ARMH3: variants seen among roughly 807,000 people sequenced by gnomAD.
ARMH3 encodes armadillo like helical domain containing 3.
ARMH3 carries 60 observed loss-of-function variants against 99.1 expected under a neutral mutation model. The ratio of observed to expected loss-of-function variants is 0.61; its 90% CI spans 0.49 to 0.75. The LOEUF is 0.75. ARMH3 is among the 30% of genes least tolerant of loss of function. ARMH3 has a pLI of 0.00. For missense variants in ARMH3, 679 were observed against 843.1 expected (o/e 0.81, Z 2.41); for synonymous variants, 285 against 292.8 (o/e 0.97, Z 0.27).
chr10:101,972,832 T>C (rs958032109), intron 20 of ARMH3, among the ~76,000 whole-genome samples: 1 of 152,184 alleles, frequency 6.6e-6, no homozygotes, highest in Non-Finnish European at 1.5e-5. Flanking sequence ...CAATGGTCCA[T>C]GCCTAAGGAC....
At chr10:101,941,551 A>C (rs967096739) in intron 22 of ARMH3, among the ~76,000 whole-genome samples, 2 of 152,236 alleles carry the variant, frequency 1.3e-5, no homozygotes, top group African/African-American at 2.4e-5. Context: ...TGGGGGAAAG[A>C]AAGCTCATCT....
chr10:101,993,251 G>GGA lies in ARMH3; in HGVS notation c.1275+285_1275+286dup, dbSNP rs138381869. Among the ~76,000 whole-genome samples, 1,432 of 148,354 alleles carry GGA rather than the reference G, an allele frequency of 9.7e-3. 28 individuals carry two copies. The highest frequency in any genetic ancestry group is 0.029 in the African/African-American group (1,176 of 40,234). On this transcript the variant is annotated intron_variant, in intron 17 of 25. Coordinates refer to ENST00000370033, the MANE Select transcript of ARMH3 (RefSeq NM_024541.3). ...ACACCATTGCACTCCAGCCTGGGGG[G>GGA]GAGAGAGAGAGAGAGAGACTCTCCC...
chr10:102,023,803 G>A, intron 6 of ARMH3, 54 bp from the exon 7 acceptor site: 1 of 1,485,526 alleles, frequency 6.7e-7, no homozygotes, highest in Admixed American at 1.7e-5. Context: ...CTGATATCTT[G>A]TGTAATCTCC....
intron 24 of ARMH3, among the ~76,000 whole-genome samples, chr10:101,853,180 A>G (rs905295828): frequency 4.0e-5 from 6 of 151,532 alleles, no homozygotes; most frequent in Non-Finnish European, 8.8e-5. Flanking sequence ...CGTGAGTCAC[A>G]GCGCCCGGCC....
At chr10:101,974,388 A>G (rs2135918520) in intron 20 of ARMH3, among the ~76,000 whole-genome samples, 1 of 152,272 alleles carries the variant, frequency 6.6e-6, no homozygotes, top group South Asian at 2.1e-4. Context: ...CAGCTCTCCC[A>G]TGGGTGGGCA....
At chr10:101,882,680 A>C (rs1261344362) in intron 24 of ARMH3, among the ~76,000 whole-genome samples, 2 of 152,156 alleles carry the variant, frequency 1.3e-5, no homozygotes, top group Admixed American at 6.5e-5. Flanking sequence ...TTGTATTTTT[A>C]GTAGAGACAG....
At chr10:101,940,687 T>C (rs1221646773) in intron 22 of ARMH3, among the ~76,000 whole-genome samples, 1 of 151,994 alleles carries the variant, frequency 6.6e-6, no homozygotes, top group Non-Finnish European at 1.5e-5. Context: ...CACCTATGAG[T>C]GAGAACAGAT....
chr10:102,036,457 A>G (rs1013016719), intron 2 of ARMH3, among the ~76,000 whole-genome samples: 3 of 152,202 alleles, frequency 2.0e-5, no homozygotes, highest in Non-Finnish European at 4.4e-5. Flanking sequence ...GGGAAAAGCT[A>G]GAGAAATCAG....
chr10:101,936,869 C>T (rs1414704692), intron 23 of ARMH3, among the ~76,000 whole-genome samples: 4 of 152,120 alleles, frequency 2.6e-5, no homozygotes, highest in Admixed American at 2.6e-4. Flanking sequence ...AGGAATGAAC[C>T]TTGAAGACAC....
chr10:102,054,983 C>T (rs1430410510), intron 1 of ARMH3, among the ~76,000 whole-genome samples: 1 of 146,852 alleles, frequency 6.8e-6, no homozygotes, highest in Non-Finnish European at 1.5e-5. Context: ...GCAACGAGAG[C>T]GAAACTCCGT....
intron 24 of ARMH3, among the ~76,000 whole-genome samples, chr10:101,875,497 A>G (rs1179725568): frequency 2.0e-5 from 3 of 152,190 alleles, no homozygotes; most frequent in African/African-American, 4.8e-5. Flanking sequence ...CACCCTGTAT[A>G]TAATAGGCAG....
chr10:101,967,117 G>A (rs1485033205), intron 20 of ARMH3, among the ~76,000 whole-genome samples: 1 of 152,186 alleles, frequency 6.6e-6, no homozygotes, highest in African/African-American at 2.4e-5. Flanking sequence ...CTGGCATGGA[G>A]CTAGGTTTAG....
At chr10:102,010,893 C>G (rs761008451) in intron 11 of ARMH3, among the ~76,000 whole-genome samples, 5 of 152,168 alleles carry the variant, frequency 3.3e-5, no homozygotes, top group African/African-American at 4.8e-5. Flanking sequence ...TTCCTGAGAA[C>G]AGGCTGAGAA....
chr10:102,012,980 C>G, intron 9 of ARMH3, 104 bp from the exon 10 acceptor site: 1 of 983,028 alleles, frequency 1.0e-6, no homozygotes, highest in Non-Finnish European at 1.5e-6. Context: ...CCCAAGAAGT[C>G]CTGCCTGAAA....
In ARMH3 at chr10:102,013,974, T is replaced by A. The variant is rs1233578959; in HGVS notation, c.720A>T (p.Thr240=). The change falls in exon 9 of 26, where the codon ACA becomes ACT. Residue 240 remains threonine (T), a synonymous_variant. Coordinates refer to ENST00000370033, the MANE Select transcript of ARMH3 (RefSeq NM_024541.3). ...CAAGGATCCAGATACTCACATTGAG[T>A]GTGGCCTCATCATCCACGATAGACA... ...VKLSIVDDEA[T]LNGMGLVIAQ... The A allele has an allele frequency of 6.2e-7, 1 of 1,607,506 alleles. No individual in the cohort carries two copies. The highest frequency in any genetic ancestry group is 1.3e-5 in the African/African-American group (1 of 74,728).
intron 1 of ARMH3, among the ~76,000 whole-genome samples, chr10:102,040,363 G>A (rs557299229): frequency 6.6e-6 from 1 of 152,330 alleles, no homozygotes. Flanking sequence ...TGTGAAGGAA[G>A]CAGACGTATG....
intron 18 of ARMH3, 116 bp downstream of exon 18, chr10:101,991,853 C>A (rs2136009790): frequency 1.8e-6 from 2 of 1,084,634 alleles, no homozygotes; most frequent in East Asian, 4.8e-5. Context: ...AGGGAAAAAA[C>A]ACAACTAATA....
intron 25 of ARMH3, among the ~76,000 whole-genome samples, chr10:101,848,267 T>G (rs1259341745): frequency 6.6e-6 from 1 of 151,974 alleles, no homozygotes; most frequent in African/African-American, 2.4e-5. Context: ...GAGAGGAAAG[T>G]CTGGGGCGTA....
intron 23 of ARMH3, among the ~76,000 whole-genome samples, chr10:101,932,307 G>A (rs1439997647): frequency 6.6e-6 from 1 of 152,202 alleles, no homozygotes; most frequent in Admixed American, 6.5e-5. Flanking sequence ...GTGTTGGGAA[G>A]AATGTGAAGA....
Sources: gnomAD v4.1 joint callset for allele counts (sites outside exome capture counted in the v4.1 genomes callset) on GRCh38, gnomAD v4.1.1 for gene constraint, MANE v1.5 for transcripts, NCBI Gene and HGNC (gene_info 2026-07-23, HGNC 2026-07-21) for gene names.